ABLIM2: variants seen among roughly 807,000 people sequenced by gnomAD.
ABLIM2 encodes actin binding LIM protein family member 2, also known as actin-binding LIM protein 2.
A neutral mutation model predicts 97.7 loss-of-function variants in ABLIM2; 53 were observed. The ratio of observed to expected loss-of-function variants is 0.54; its 90% CI spans 0.44 to 0.68. The LOEUF (loss-of-function observed/expected upper bound fraction) is 0.68, where lower values mean the gene tolerates loss of function less well. Ranked by LOEUF, ABLIM2 falls within the 30% of genes least tolerant of loss-of-function variation. The pLI is 0.00. For missense variants in ABLIM2, 835 were observed against 867.2 expected, an observed-to-expected ratio of 0.96 and a Z score of 0.47; for synonymous variants, 361 against 345.8, an observed-to-expected ratio of 1.04 and a Z score of -0.49.
chr4:8,039,069 G>A (rs1786409202), intron 9 of ABLIM2, among the ~76,000 whole-genome samples: 1 of 152,026 alleles, frequency 6.6e-6, no homozygotes, highest in Non-Finnish European at 1.5e-5. Flanking sequence ...ATCTTCATCT[G>A]TTGAGTTGTC....
Position 8,054,396 on chromosome 4 carries a change from G to C in ABLIM2, c.764-150C>G. On this transcript the variant is annotated intron_variant, in intron 7 of 20. Transcript: ENST00000447017. The surrounding 1 kb of genome is among the most constrained non-coding windows in gnomAD (Gnocchi z 4.9). ...CGGCCCTGAGCATCCTCTCTGTGCT[G>C]GAGTTAGTGCCGGGCAGGGGGTACC... The C allele has an allele frequency of 1.2e-6, 1 of 817,434 alleles. No individual in the cohort carries two copies. Among genetic ancestry groups the C allele is most frequent in the East Asian group, 2.7e-5 (1 of 37,424 alleles). 50.6% of individuals were successfully genotyped at this position (817,434 alleles called of 1,614,324 possible).
intron 1 of ABLIM2, among the ~76,000 whole-genome samples, chr4:8,109,836 G>A (rs551968120): frequency 3.3e-4 from 50 of 152,388 alleles, no homozygotes; most frequent in African/African-American, 1.1e-3. Context: ...GCACAGCCCA[G>A]TGAGGGTCCC....
In ABLIM2 at chr4:8,120,163, C is replaced by A. The variant is rs1335861401; in HGVS notation, c.11-13526G>T. 6.6e-6 allele frequency among the ~76,000 whole-genome samples: 1 copy of A among 152,168 alleles called. No individual in the cohort carries two copies. Among genetic ancestry groups the A allele is most frequent in the Non-Finnish European group, 1.5e-5 (1 of 68,010 alleles). On this transcript the variant is annotated intron_variant, in intron 1 of 20. Coordinates refer to ENST00000447017, the MANE Select transcript of ABLIM2 (RefSeq NM_001130083.2). This position sits in a 1 kb window ranked among gnomAD's most constrained non-coding sequence, Gnocchi z 5.6. Reference sequence around the variant, plus strand: ...AGAGAAAAACAGCCCAGCGGCCACGCTGCCCCTTCCTCCCAGAAGAGGACG... The same window carrying A: ...AGAGAAAAACAGCCCAGCGGCCACGATGCCCCTTCCTCCCAGAAGAGGACG...
At position 8,087,088 on chromosome 4, in the gene ABLIM2, G is replaced by C. The variant is rs1423055454; in HGVS notation, c.454+1081C>G. Among the ~76,000 whole-genome samples, 1 of 152,208 alleles carries C rather than the reference G, an allele frequency of 6.6e-6. No homozygotes were observed. The highest frequency in any genetic ancestry group is 6.5e-5 in the Admixed American group (1 of 15,284). On this transcript the variant is annotated intron_variant, in intron 4 of 20. Coordinates refer to ENST00000447017, the MANE Select transcript of ABLIM2 (RefSeq NM_001130083.2). This position sits in a 1 kb window ranked among gnomAD's most constrained non-coding sequence, Gnocchi z 4.6. ...GCAGCAGACAAGGTGGGGGAGAAAG[G>C]AGGCATTTGACACAGGAGAGGAAAT...
chr4:8,108,436 G>A (rs565692336), intron 1 of ABLIM2, among the ~76,000 whole-genome samples: 8 of 152,328 alleles, frequency 5.3e-5, no homozygotes, highest in South Asian at 2.1e-4. Flanking sequence ...TGCAGCTGCC[G>A]GCCCAGGAGT....
At chr4:7,987,232 C>G (rs1412340829) in intron 17 of ABLIM2, among the ~76,000 whole-genome samples, 1 of 152,064 alleles carries the variant, frequency 6.6e-6, no homozygotes, top group East Asian at 1.9e-4. Context: ...CCCACCTCAG[C>G]CTCCCAAAGC....
chr4:8,019,790 G>T lies in ABLIM2; in HGVS notation c.1370-119C>A. On this transcript the variant is annotated intron_variant, in intron 13 of 20. Coordinates refer to ENST00000447017, the MANE Select transcript of ABLIM2 (RefSeq NM_001130083.2). This position sits in a 1 kb window ranked among gnomAD's most constrained non-coding sequence, Gnocchi z 4.3. ...ACTCACCCAGATTTAGAATCATCAG[G>T]CAGGAACTGGCACCCAGCGAGCGAC... is the stretch of plus-strand genomic sequence containing the variant. 1 of 984,474 alleles carries T rather than the reference G, an allele frequency of 1.0e-6. No homozygotes were observed. The highest frequency in any genetic ancestry group is 1.5e-6 in the Non-Finnish European group (1 of 651,784). 61.0% of individuals were successfully genotyped at this position (984,474 alleles called of 1,614,324 possible). A position where few individuals can be genotyped will look rare whatever the true frequency, so the allele number is the denominator to read the frequency against.
chr4:8,064,847 G>C (rs911500836), intron 6 of ABLIM2, among the ~76,000 whole-genome samples: 1 of 152,188 alleles, frequency 6.6e-6, no homozygotes, highest in Non-Finnish European at 1.5e-5. Context: ...TTGTAAAAAT[G>C]TACCAAGATG....
rs1261348892 is a variant in ABLIM2, at chr4:8,044,597, A to G, written c.900+567T>C. Among the ~76,000 whole-genome samples the G allele has an allele frequency of 1.3e-5, 2 of 151,626 alleles. No individual in the cohort carries two copies. Among genetic ancestry groups the G allele is most frequent in the African/African-American group, 4.9e-5 (2 of 41,204 alleles). ...ACAACTTGTTAAAATGTTTTCAATCATTTTTATATTTGTATGTGATTATGG... is the reference window on the plus strand; with the variant it reads ...ACAACTTGTTAAAATGTTTTCAATCGTTTTTATATTTGTATGTGATTATGG... On this transcript the variant is annotated intron_variant, in intron 9 of 20. Coordinates refer to ENST00000447017, the MANE Select transcript of ABLIM2 (RefSeq NM_001130083.2). The surrounding 1 kb of genome is among the most constrained non-coding windows in gnomAD (Gnocchi z 4.4).
Position 8,021,124 on chromosome 4 carries a change from G to A in ABLIM2, c.1268-821C>T, listed in dbSNP as rs1406137663. Reference sequence around the variant, plus strand: ...GCCCACCTCTACCTCCCAAGGTGCTGGGATTACAGGCATGAGCCACCGCAC... The same window carrying A: ...GCCCACCTCTACCTCCCAAGGTGCTAGGATTACAGGCATGAGCCACCGCAC... On this transcript the variant is annotated intron_variant, in intron 12 of 20. Coordinates refer to ENST00000447017, the MANE Select transcript of ABLIM2 (RefSeq NM_001130083.2). This position sits in a 1 kb window ranked among gnomAD's most constrained non-coding sequence, Gnocchi z 5.5. Among the ~76,000 whole-genome samples the A allele has an allele frequency of 6.6e-6, 1 of 152,068 alleles. No homozygotes were observed. The highest frequency in any genetic ancestry group is 2.4e-5 in the African/African-American group (1 of 41,406).
chr4:8,009,038 C>A lies in ABLIM2; in HGVS notation c.1476+12G>T. ...AAGGCTGTTCTCAGCCAGATCTGCT[C>A]CCTGGCATTACCTTCCTGTTATCCT... On this transcript the variant is annotated intron_variant, in intron 15 of 20. Coordinates refer to ENST00000447017, the MANE Select transcript of ABLIM2 (RefSeq NM_001130083.2). 2 of 1,613,932 alleles carry A rather than the reference C, an allele frequency of 1.2e-6. No homozygotes were observed. Among genetic ancestry groups the A allele is most frequent in the South Asian group, 2.2e-5 (2 of 91,084 alleles).
intron 1 of ABLIM2, among the ~76,000 whole-genome samples, chr4:8,154,955 G>A (rs916853557): frequency 6.6e-6 from 1 of 152,186 alleles, no homozygotes; most frequent in African/African-American, 2.4e-5. Context: ...CGTGTGCAGG[G>A]GAACTGCCCT....
chr4:8,099,021 G>A (rs1437948746), intron 2 of ABLIM2, among the ~76,000 whole-genome samples: 2 of 152,234 alleles, frequency 1.3e-5, no homozygotes, highest in African/African-American at 4.8e-5. Flanking sequence ...GGGCGTTTAT[G>A]AGAAACAGCC....
At chr4:8,008,631 G>A (rs1461385917) in intron 15 of ABLIM2, among the ~76,000 whole-genome samples, 1 of 152,210 alleles carries the variant, frequency 6.6e-6, no homozygotes, top group African/African-American at 2.4e-5. Context: ...ATGCCTGTTC[G>A]TGCCCTGGCT....
In ABLIM2 at chr4:8,061,746, G is replaced by A. The variant is rs1051481293; in HGVS notation, c.676-692C>T. On this transcript the variant is annotated intron_variant, in intron 6 of 20. Coordinates refer to ENST00000447017, the MANE Select transcript of ABLIM2 (RefSeq NM_001130083.2). The surrounding 1 kb of genome is among the most constrained non-coding windows in gnomAD (Gnocchi z 4.5). ...GAGGGCACGGCGGGTGCAGCCTATT[G>A]CTAAATGTGGATGCTAAATCCCCGT... Among the ~76,000 whole-genome samples the A allele has an allele frequency of 6.6e-6, 1 of 151,820 alleles. No homozygotes were observed. The highest frequency in any genetic ancestry group is 1.5e-5 in the Non-Finnish European group (1 of 67,988).
At chr4:8,104,149 G>C (rs2152731367) in intron 2 of ABLIM2, among the ~76,000 whole-genome samples, 1 of 152,322 alleles carries the variant, frequency 6.6e-6, no homozygotes, top group African/African-American at 2.4e-5. Flanking sequence ...AGCCTGGGCG[G>C]GGGATCCCGA....
At position 8,132,990 on chromosome 4, in the gene ABLIM2, A is replaced by T. The variant is rs1193840580; in HGVS notation, c.10+25690T>A. ...AGGCATTTACTCTCCCCGGTTCTGG[A>T]GACCAGAAGTCCCAGATCAGGGGTT... On this transcript the variant is annotated intron_variant, in intron 1 of 20. Coordinates refer to ENST00000447017, the MANE Select transcript of ABLIM2 (RefSeq NM_001130083.2). The surrounding 1 kb of genome is among the most constrained non-coding windows in gnomAD (Gnocchi z 8.0). Among the ~76,000 whole-genome samples the T allele has an allele frequency of 2.0e-5, 3 of 152,144 alleles. No homozygotes were observed. Among genetic ancestry groups the T allele is most frequent in the Non-Finnish European group, 2.9e-5 (2 of 68,018 alleles).
Position 7,992,438 on chromosome 4 carries a change from G to A in ABLIM2, c.1680+428C>T, listed in dbSNP as rs1416697974. Among the ~76,000 whole-genome samples, 3 of 152,172 alleles carry A rather than the reference G, an allele frequency of 2.0e-5. No homozygotes were observed. Among genetic ancestry groups the A allele is most frequent in the Admixed American group, 1.3e-4 (2 of 15,272 alleles). ...TGTCATCACGGTAACAGTAATAGCA[G>A]GGAAGGCCAGGGCATCCCCGAGAAG... On this transcript the variant is annotated intron_variant, in intron 17 of 20. Transcript: ENST00000447017. The surrounding 1 kb of genome is among the most constrained non-coding windows in gnomAD (Gnocchi z 5.7).
At chr4:8,086,631 C>T (rs1029996621) in intron 4 of ABLIM2, among the ~76,000 whole-genome samples, 1 of 152,170 alleles carries the variant, frequency 6.6e-6, no homozygotes, top group Non-Finnish European at 1.5e-5. Flanking sequence ...AGGCATGAGC[C>T]ACCACACCCA....
Sources: allele counts gnomAD v4.1 joint callset (sites outside exome capture counted in the v4.1 genomes callset), GRCh38; gene constraint gnomAD v4.1.1; non-coding constraint Gnocchi (gnomAD v3.1); transcripts MANE v1.5; gene names NCBI Gene and HGNC (gene_info 2026-07-23, HGNC 2026-07-21).